The following TENM2 variants were observed in gnomAD, a reference collection of about 807,000 sequenced individuals.
The protein encoded by TENM2 is teneurin-2.
A neutral mutation model predicts 245.2 loss-of-function variants in TENM2; 52 were observed. That is an observed-to-expected ratio of 0.21 (90% CI 0.17 to 0.27). The LOEUF (loss-of-function observed/expected upper bound fraction) is 0.27. Among genes scored for constraint, TENM2 ranks in the 10% least tolerant of loss-of-function variants. The probability of loss-of-function intolerance (pLI) is 1.00; values close to 1 mark genes in which losing one functional copy is unlikely to be tolerated. For missense variants in TENM2, 3,046 were observed against 3,666.8 expected, an observed-to-expected ratio of 0.83 and a Z score of 4.37; for synonymous variants, 1,363 against 1,438.9, an observed-to-expected ratio of 0.95 and a Z score of 1.19.
chr5:167,304,979 A>T (rs544286235), intron 1 of TENM2, among the ~76,000 whole-genome samples: 1 of 152,142 alleles, frequency 6.6e-6, no homozygotes, highest in Admixed American at 6.5e-5. Context: ...TTTAATAAAT[A>T]GTTGTTGAAC....
At position 168,218,300 on chromosome 5, in the gene TENM2, T is replaced by G; in HGVS notation, c.4409T>G (p.Ile1470Ser). 6.2e-7 allele frequency: 1 copy of G among 1,613,848 alleles called. No individual in the cohort carries two copies. Among genetic ancestry groups the G allele is most frequent in the Non-Finnish European group, 8.5e-7 (1 of 1,179,876 alleles). The change falls in exon 23 of 29, where the codon ATT (isoleucine) becomes AGT (serine). Residue 1470 changes from isoleucine (I) to serine (S), a missense_variant. Ile to Ser is a moderately radical substitution (Grantham distance 142). Around this residue, in one of 2 missense-constraint regions of TENM2, gnomAD observed 2,704 missense variants for 3,331.9 expected, o/e 0.81. Transcript: ENST00000518659. The surrounding 1 kb of genome is among the most constrained non-coding windows in gnomAD (Gnocchi z 5.2). ...GACTACTCACTCAGCAAACTAGCCATTCACTCTGCCCTGGAGTCAGCCAGT... is the reference window on the plus strand; with the variant it reads ...GACTACTCACTCAGCAAACTAGCCAGTCACTCTGCCCTGGAGTCAGCCAGT...
intron 2 of TENM2, among the ~76,000 whole-genome samples, chr5:167,602,281 C>T (rs1308184959): frequency 2.6e-5 from 4 of 152,178 alleles, no homozygotes. Flanking sequence ...AAACAATTTT[C>T]TGCTCCTTCC....
chr5:167,164,877 G>A, the TENM2 span: 1 of 152,138 alleles, frequency 6.6e-6, no homozygotes, highest in Admixed American at 6.5e-5. Context: ...ATTACAATGT[G>A]TACTTCACAT....
chr5:167,758,816 A>T lies in TENM2; in HGVS notation c.503-117170A>T, dbSNP rs546666711. 3.5e-4 allele frequency among the ~76,000 whole-genome samples: 53 copies of T among 150,710 alleles called. 1 individual carries two copies. The highest frequency in any genetic ancestry group is 1.3e-3 in the African/African-American group (53 of 40,980). On this transcript the variant is annotated intron_variant, in intron 2 of 28. Coordinates refer to ENST00000518659, the Ensembl canonical transcript of TENM2. ...ACTGTTTAAATAGTCCCCTTATTAA[A>T]CTCTCTCATATTGCCAGGTTTGGGT...
At chr5:167,458,397 G>T (rs577177687) in intron 2 of TENM2, among the ~76,000 whole-genome samples, 3 of 136,056 alleles carry the variant, frequency 2.2e-5, no homozygotes, top group African/African-American at 7.9e-5. Flanking sequence ...TGAGGCAAGA[G>T]AATCCCTTGA....
At chr5:167,861,576 T>A (rs780017962) in intron 2 of TENM2, among the ~76,000 whole-genome samples, 5 of 152,186 alleles carry the variant, frequency 3.3e-5, no homozygotes, top group Non-Finnish European at 5.9e-5. Flanking sequence ...CAGGCTGACC[T>A]ATGAAGATGG....
At chr5:168,198,931 T>G in exon 16 of TENM2, 1 of 1,614,062 alleles carries the variant, frequency 6.2e-7, no homozygotes, top group African/African-American at 1.3e-5. Flanking sequence ...AGGAGCGCAC[T>G]GTGTGGCTGC....
At chr5:167,998,080 T>A (rs934900585) in intron 5 of TENM2, among the ~76,000 whole-genome samples, 1 of 152,142 alleles carries the variant, frequency 6.6e-6, no homozygotes, top group Non-Finnish European at 1.5e-5. Context: ...CCAAGGAAAA[T>A]TTTAGGAATT....
At chr5:167,808,916 T>A (rs1423926052) in intron 2 of TENM2, among the ~76,000 whole-genome samples, 1 of 152,186 alleles carries the variant, frequency 6.6e-6, no homozygotes, top group African/African-American at 2.4e-5. Context: ...AATGCACTCA[T>A]TTGCAAGATG....
chr5:167,797,959 T>C (rs1485938533), intron 2 of TENM2, among the ~76,000 whole-genome samples: 2 of 152,222 alleles, frequency 1.3e-5, no homozygotes, highest in Non-Finnish European at 2.9e-5. Flanking sequence ...TCCTGACCAA[T>C]GGGTGGTTCT....
At chr5:167,985,435 G>A (rs532458183) in intron 4 of TENM2, among the ~76,000 whole-genome samples, 98 of 152,260 alleles carry the variant, frequency 6.4e-4, no homozygotes, top group African/African-American at 2.2e-3. Flanking sequence ...TGCACACAGC[G>A]CTACGTTGAG....
chr5:167,216,578 A>G, the TENM2 span, among the ~76,000 whole-genome samples: 1 of 152,166 alleles, frequency 6.6e-6, no homozygotes, highest in Admixed American at 6.5e-5. Context: ...TTATTCCCGG[A>G]ATGGCTACAG....
intron 2 of TENM2, among the ~76,000 whole-genome samples, chr5:167,832,609 A>T (rs1583132894): frequency 6.6e-6 from 1 of 152,128 alleles, no homozygotes; most frequent in East Asian, 1.9e-4. Flanking sequence ...GCAGGGATGG[A>T]TGGATAGAGG....
intron 3 of TENM2, among the ~76,000 whole-genome samples, chr5:167,901,802 T>C (rs954200720): frequency 6.6e-6 from 1 of 152,228 alleles, no homozygotes; most frequent in Admixed American, 6.5e-5. Flanking sequence ...TGCTTCAATT[T>C]TTTGTTATGT....
the TENM2 span, among the ~76,000 whole-genome samples, chr5:167,167,877 C>CAAG: frequency 5.7e-4 from 87 of 152,126 alleles, no homozygotes; most frequent in African/African-American, 2.0e-3. Context: ...AGGAGACTTA[C>CAAG]AAGACAAAGC....
chr5:168,209,769 G>T (rs1762646013), intron 19 of TENM2, among the ~76,000 whole-genome samples: 2 of 152,158 alleles, frequency 1.3e-5, no homozygotes, highest in Non-Finnish European at 2.9e-5. Flanking sequence ...TCAAGAAACT[G>T]TTTTTCCAGC....
At chr5:167,912,909 C>A (rs1776658133) in intron 3 of TENM2, among the ~76,000 whole-genome samples, 1 of 152,082 alleles carries the variant, frequency 6.6e-6, no homozygotes, top group Non-Finnish European at 1.5e-5. Context: ...CACTGGTACA[C>A]CCTGGGCAAA....
At chr5:167,929,173 G>GGGAA (rs1778090079) in intron 3 of TENM2, among the ~76,000 whole-genome samples, 2 of 145,610 alleles carry the variant, frequency 1.4e-5, no homozygotes, top group Non-Finnish European at 3.0e-5. Flanking sequence ...GAAAGAAGGA[G>GGGAA]GGAAGGAAGG....
At chr5:167,565,162 G>T (rs1248830010) in intron 2 of TENM2, among the ~76,000 whole-genome samples, 1 of 152,232 alleles carries the variant, frequency 6.6e-6, no homozygotes, top group Admixed American at 6.5e-5. Context: ...TATTTTTATT[G>T]TGTCAAGTCA....
Sources: allele counts gnomAD v4.1 joint callset (sites outside exome capture counted in the v4.1 genomes callset), GRCh38; gene constraint gnomAD v4.1.1; regional missense constraint gnomAD v4.1.1; non-coding constraint Gnocchi (gnomAD v3.1); transcripts MANE v1.5; gene names NCBI Gene and HGNC (gene_info 2026-07-23, HGNC 2026-07-21).